The following SVEP1 variants were observed in gnomAD, a reference collection of about 807,000 sequenced individuals.
SVEP1 encodes sushi, von Willebrand factor type A, EGF and pentraxin domain-containing protein 1.
Under a neutral mutation model 367.3 loss-of-function variants are expected in SVEP1, and 164 were observed. That is an observed-to-expected ratio of 0.45 (90% confidence interval 0.39 to 0.51). SVEP1 has a LOEUF of 0.51. SVEP1 is among the 20% of genes least tolerant of loss of function. The pLI, the probability that SVEP1 is intolerant of heterozygous loss-of-function variation, is 0.00. For synonymous variants in SVEP1, 1,666 were observed against 1,611.6 expected, an observed-to-expected ratio of 1.03 and a Z score of -0.81; for missense variants, 4,117 against 4,425.3, an observed-to-expected ratio of 0.93 and a Z score of 1.98.
intron 37 of SVEP1, among the ~76,000 whole-genome samples, chr9:110,410,411 C>G (rs1828027606): frequency 6.6e-6 from 1 of 152,120 alleles, no homozygotes; most frequent in Non-Finnish European, 1.5e-5. Flanking sequence ...ATTGTAAAAA[C>G]TACATTATTT....
chr9:110,438,177 A>ATTTTTTTT (rs10593866), intron 27 of SVEP1, among the ~76,000 whole-genome samples: 1 of 75,538 alleles, frequency 1.3e-5, no homozygotes, highest in African/African-American at 5.1e-5. Context: ...TAGTTATGCT[A>ATTTTTTTT]TTTTTTTTTT....
At chr9:110,503,759 G>A (rs1468007277) in intron 5 of SVEP1, among the ~76,000 whole-genome samples, 2 of 152,124 alleles carry the variant, frequency 1.3e-5, no homozygotes, top group African/African-American at 2.4e-5. Flanking sequence ...TGTTCTTCCA[G>A]CTTTTTCACT....
intron 17 of SVEP1, among the ~76,000 whole-genome samples, chr9:110,468,181 T>C (rs1828967090): frequency 6.6e-6 from 1 of 152,212 alleles, no homozygotes; most frequent in African/African-American, 2.4e-5. Flanking sequence ...TGAATGTGGA[T>C]TGGAGTTTGA....
In SVEP1 at chr9:110,429,999, A is replaced by T. The variant is rs142508835; in HGVS notation, c.5536T>A (p.Ser1846Thr). ...TCTGGAATAGCCGGTTTACCACATG[A>T]AACAGCTTAACAAAGGAAAAACAAA... is the stretch of plus-strand genomic sequence containing the variant. ...NHLIPYCKAV[S>T]CGKPAIPENG... Residue 1846 changes from serine to threonine, a missense_variant, in exon 34 of 48, where the codon TCA (serine) becomes ACA (threonine). Coordinates refer to ENST00000374469, the MANE Select transcript of SVEP1 (RefSeq NM_153366.4). 57,169 of 1,611,918 alleles carry T rather than the reference A, an allele frequency of 0.035. 1,194 individuals are homozygous for T. Among genetic ancestry groups the T allele is most frequent in the Non-Finnish European group, 0.043 (50,361 of 1,179,562 alleles).
chr9:110,377,653 TCAC>T (rs1369529924), intron 44 of SVEP1, among the ~76,000 whole-genome samples: 2 of 152,232 alleles, frequency 1.3e-5, no homozygotes, highest in Non-Finnish European at 2.9e-5. Flanking sequence ...TGTGAAATAA[TCAC>T]CACAATGGAG....
chr9:110,410,497 A>G (rs1164432192), intron 37 of SVEP1, among the ~76,000 whole-genome samples: 1 of 152,240 alleles, frequency 6.6e-6, no homozygotes, highest in Non-Finnish European at 1.5e-5. Context: ...CTTGCCTTCT[A>G]TAAAATAAAG....
chr9:110,366,434 G>A lies in SVEP1; in HGVS notation c.*105C>T. Reference sequence around the variant, plus strand: ...CCCAAGTAACAAGTTTACTAAACAAGACCCAGCACCATGTTGGACTTTCTT... The same window carrying A: ...CCCAAGTAACAAGTTTACTAAACAAAACCCAGCACCATGTTGGACTTTCTT... On this transcript the variant is annotated 3_prime_UTR_variant, in exon 48 of 48. Coordinates refer to ENST00000374469, the MANE Select transcript of SVEP1 (RefSeq NM_153366.4). 1 of 1,159,604 alleles carries A rather than the reference G, an allele frequency of 8.6e-7. No homozygotes were observed. The highest frequency in any genetic ancestry group is 2.8e-5 in the East Asian group (1 of 35,096). The allele number at this position is 1,159,604 out of a possible 1,614,324, so 71.8% of individuals were successfully genotyped here.
At chr9:110,550,418 AT>A (rs1830270008) in intron 1 of SVEP1, among the ~76,000 whole-genome samples, 1 of 152,194 alleles carries the variant, frequency 6.6e-6, no homozygotes, top group African/African-American at 2.4e-5. Context: ...TTATTATATT[AT>A]TTTTATTGAT....
intron 40 of SVEP1, among the ~76,000 whole-genome samples, chr9:110,390,348 C>CTTATATAAGTATGTGTATATAT (rs1484401976): frequency 9.0e-5 from 3 of 33,206 alleles, no homozygotes; most frequent in African/African-American, 6.3e-4. Context: ...TACTTATATA[C>CTTATATAAGTATGTGTATATAT]ACTTATATAT....
intron 45 of SVEP1, chr9:110,377,017 A>G (rs1442215396): frequency 5.7e-6 from 2 of 348,880 alleles, no homozygotes; most frequent in East Asian, 8.9e-5. Context: ...CTTCTCAAGA[A>G]GACTTTTGCA....
At chr9:110,541,210 T>G (rs1026842716) in intron 3 of SVEP1, among the ~76,000 whole-genome samples, 2 of 152,198 alleles carry the variant, frequency 1.3e-5, no homozygotes, top group Non-Finnish European at 2.9e-5. Flanking sequence ...ATAACTCATC[T>G]CAGCATCTGT....
Position 110,408,223 on chromosome 9 carries a change from G to T in SVEP1, c.7377C>A (p.Leu2459=). Residue 2459 remains leucine, a synonymous_variant, in exon 38 of 48, where the codon CTC becomes CTA. Coordinates refer to ENST00000374469, the MANE Select transcript of SVEP1 (RefSeq NM_153366.4). ...GCTTGCAGGTATAGAGAGCTGTGCTGAGATAGGCAAGGCCTTGCACATCAA... is the reference window on the plus strand; with the variant it reads ...GCTTGCAGGTATAGAGAGCTGTGCTTAGATAGGCAAGGCCTTGCACATCAA... ...GIIDVQGLAY[L]STALYTCKPG... 1 of 1,613,980 alleles carries T rather than the reference G, an allele frequency of 6.2e-7. No homozygotes were observed. Among genetic ancestry groups the T allele is most frequent in the South Asian group, 1.1e-5 (1 of 91,080 alleles).
intron 32 of SVEP1, among the ~76,000 whole-genome samples, chr9:110,430,749 A>G (rs1280785311): frequency 6.6e-6 from 1 of 152,224 alleles, no homozygotes; most frequent in Non-Finnish European, 1.5e-5. Context: ...AGAGTGGCTT[A>G]GAAGGGCATT....
chr9:110,489,681 C>A lies in SVEP1; in HGVS notation c.1899G>T (p.Gln633His). The change falls in exon 9 of 48, where the codon CAG becomes CAT. Residue 633 changes from glutamine to histidine, a missense_variant. Transcript: ENST00000374469. ...VYTATDLSGNQASCIFHIKVI... is the reference protein window; with the variant it reads ...VYTATDLSGNHASCIFHIKVI... ...CCTTGATATGGAAAATGCAGCTGGC[C>A]TGGTTGCCGGATAGGTCAGTTGCCG... The A allele has an allele frequency of 6.2e-7, 1 of 1,613,338 alleles. No individual in the cohort carries two copies. Among genetic ancestry groups the A allele is most frequent in the Non-Finnish European group, 8.5e-7 (1 of 1,179,560 alleles).
chr9:110,499,218 G>C lies in SVEP1; in HGVS notation c.1504C>G (p.Gln502Glu). 1 of 1,612,834 alleles carries C rather than the reference G, an allele frequency of 6.2e-7. No individual in the cohort carries two copies. The highest frequency in any genetic ancestry group is 8.5e-7 in the Non-Finnish European group (1 of 1,179,260). The change falls in exon 7 of 48, where the codon CAG (glutamine) becomes GAG (glutamate). Residue 502 changes from glutamine to glutamate, a missense_variant. Transcript: ENST00000374469. ...RCVERHCSTF[Q>E]MPKDVIISPH... The stretch of plus-strand genomic sequence containing the variant: ...GATATGATGACATCTTTGGGCATCT[G>C]AAAGGTGGAACAGTGGCGCTCTACG...
intron 3 of SVEP1, among the ~76,000 whole-genome samples, chr9:110,542,991 T>A (rs541121794): frequency 3.3e-4 from 49 of 147,652 alleles, no homozygotes; most frequent in South Asian, 2.1e-3. Context: ...TATATATATA[T>A]AAAATAAAAA....
chr9:110,379,586 C>T, intron 43 of SVEP1, 69 bp from the exon 44 acceptor site: 1 of 1,506,442 alleles, frequency 6.6e-7, no homozygotes, highest in Non-Finnish European at 9.1e-7. Context: ...TCTCATCTCT[C>T]AGAATGAATT....
chr9:110,566,809 C>T (rs1830499459), intron 1 of SVEP1, among the ~76,000 whole-genome samples: 1 of 152,134 alleles, frequency 6.6e-6, no homozygotes, highest in Non-Finnish European at 1.5e-5. Flanking sequence ...ATTTAAAAGC[C>T]CAGAGCCTAC....
intron 41 of SVEP1, among the ~76,000 whole-genome samples, chr9:110,387,991 T>C (rs1484474045): frequency 6.6e-6 from 1 of 152,230 alleles, no homozygotes; most frequent in Non-Finnish European, 1.5e-5. Context: ...TGTATTTTTG[T>C]TTCTTCTAAA....
Sources: allele counts gnomAD v4.1 joint callset (sites outside exome capture counted in the v4.1 genomes callset), GRCh38; gene constraint gnomAD v4.1.1; transcripts MANE v1.5; gene names NCBI Gene and HGNC (gene_info 2026-07-23, HGNC 2026-07-21).